The following IMMP2L variants were observed in gnomAD, a reference collection of about 807,000 sequenced individuals.
IMMP2L encodes mitochondrial inner membrane protease subunit 2.
A neutral mutation model predicts 19.3 loss-of-function variants in IMMP2L; 18 were observed. The observed-to-expected ratio is 0.93, with a 90% CI of 0.64 to 1.38. The LOEUF is 1.38. Among genes scored for constraint, IMMP2L ranks in the 40% most tolerant of loss-of-function variants. The probability of loss-of-function intolerance (pLI) is 0.00; values close to 1 mark genes in which losing one functional copy is unlikely to be tolerated. For synonymous variants in IMMP2L, 76 were observed against 73.0 expected, an observed-to-expected ratio of 1.04 and a Z score of -0.21; for missense variants, 233 against 218.2, an observed-to-expected ratio of 1.07 and a Z score of -0.43.
intron 3 of IMMP2L, among the ~76,000 whole-genome samples, chr7:111,243,775 T>C (rs1480685832): frequency 2.2e-4 from 12 of 53,470 alleles, no homozygotes; most frequent in Non-Finnish European, 1.1e-4. Context: ...TGTTTGGTTT[T>C]TTGTTCTTGC....
At chr7:111,294,226 C>G (rs1029935963) in intron 3 of IMMP2L, among the ~76,000 whole-genome samples, 1 of 151,766 alleles carries the variant, frequency 6.6e-6, no homozygotes, top group Non-Finnish European at 1.5e-5. Context: ...CCAGGGCTAA[C>G]AAAAGTATAT....
At chr7:111,539,815 A>T (rs1387509022) in intron 1 of IMMP2L, among the ~76,000 whole-genome samples, 1 of 152,160 alleles carries the variant, frequency 6.6e-6, no homozygotes, top group African/African-American at 2.4e-5. Context: ...TCTTGGTTAG[A>T]CTAAATTCAA....
intron 3 of IMMP2L, among the ~76,000 whole-genome samples, chr7:111,324,740 A>C (rs1312504343): frequency 6.6e-6 from 1 of 151,948 alleles, no homozygotes; most frequent in Non-Finnish European, 1.5e-5. Flanking sequence ...AACCAATATC[A>C]ACAACAATCT....
intron 5 of IMMP2L, among the ~76,000 whole-genome samples, chr7:110,750,160 T>C (rs1797632658): frequency 6.6e-6 from 1 of 152,138 alleles, no homozygotes; most frequent in Non-Finnish European, 1.5e-5. Flanking sequence ...TTTTTTAAAC[T>C]TCTACAAAGA....
rs575632461 is a variant in IMMP2L at position 110,902,018 on chromosome 7, T to C, written c.306-15323A>G. 3.9e-5 allele frequency among the ~76,000 whole-genome samples: 6 copies of C among 152,220 alleles called. No homozygotes were observed. In the South Asian group the frequency reaches 1.2e-3, roughly 32 times the overall value. ...ATAAACATTATTGAAAGACACAGTA[T>C]TTGGATTTGCCACAAGTTATGGTAA... On this transcript the variant is annotated intron_variant, in intron 4 of 5. Coordinates refer to ENST00000405709, the MANE Select transcript of IMMP2L (RefSeq NM_032549.4).
At chr7:110,673,506 A>G (rs1584466087) in intron 5 of IMMP2L, among the ~76,000 whole-genome samples, 2 of 152,258 alleles carry the variant, frequency 1.3e-5, no homozygotes, top group East Asian at 3.9e-4. Context: ...TTTTCCCAAG[A>G]AAATGAGTTT....
intron 3 of IMMP2L, among the ~76,000 whole-genome samples, chr7:111,439,135 T>A (rs761619638): frequency 6.6e-6 from 1 of 151,900 alleles, no homozygotes; most frequent in African/African-American, 2.4e-5. Flanking sequence ...CATCCAGCTA[T>A]CCTCTGGAAA....
chr7:111,064,742 C>A (rs1198904126), intron 3 of IMMP2L, among the ~76,000 whole-genome samples: 1 of 152,162 alleles, frequency 6.6e-6, no homozygotes. Flanking sequence ...CTCCTCCTAC[C>A]TTTAAGTCAA....
chr7:110,814,427 G>C (rs1160534807), intron 5 of IMMP2L, among the ~76,000 whole-genome samples: 1 of 141,580 alleles, frequency 7.1e-6, no homozygotes, highest in Admixed American at 7.0e-5. Context: ...AAATATCAAA[G>C]TAAAAAAAAA....
At chr7:110,902,532 G>C (rs936904255) in intron 4 of IMMP2L, among the ~76,000 whole-genome samples, 3 of 149,446 alleles carry the variant, frequency 2.0e-5, no homozygotes, top group Admixed American at 2.0e-4. Flanking sequence ...GAAAAACCCT[G>C]AGTTCTTTGG....
intron 5 of IMMP2L, among the ~76,000 whole-genome samples, chr7:110,774,949 T>C (rs901382292): frequency 7.2e-5 from 11 of 152,006 alleles, no homozygotes; most frequent in African/African-American, 2.7e-4. Flanking sequence ...AATAATGAAC[T>C]GGTTAAATAA....
intron 5 of IMMP2L, among the ~76,000 whole-genome samples, chr7:110,802,313 G>A (rs1801307516): frequency 1.3e-5 from 1 of 78,546 alleles, no homozygotes; most frequent in South Asian, 6.1e-4. Context: ...AAGACAGTGT[G>A]TATGTGTGTA....
intron 4 of IMMP2L, among the ~76,000 whole-genome samples, chr7:110,909,858 G>A (rs551759537): frequency 6.6e-6 from 1 of 152,012 alleles, no homozygotes; most frequent in South Asian, 2.1e-4. Context: ...TCTTACTTCT[G>A]TGAGTTAGAA....
At chr7:111,415,538 G>A (rs1585013980) in intron 3 of IMMP2L, among the ~76,000 whole-genome samples, 1 of 151,646 alleles carries the variant, frequency 6.6e-6, no homozygotes, top group South Asian at 2.1e-4. Flanking sequence ...AATCACCAAC[G>A]TCAACAAAAT....
intron 5 of IMMP2L, among the ~76,000 whole-genome samples, chr7:110,836,064 A>G (rs1804436886): frequency 6.6e-6 from 1 of 152,152 alleles, no homozygotes; most frequent in African/African-American, 2.4e-5. Flanking sequence ...AAGATAACAA[A>G]TCTCAGTCAG....
intron 3 of IMMP2L, among the ~76,000 whole-genome samples, chr7:111,266,169 A>C (rs906895749): frequency 7.2e-5 from 11 of 152,200 alleles, no homozygotes; most frequent in African/African-American, 2.4e-4. Flanking sequence ...ATCTCTACAA[A>C]CATAAGTAAT....
At chr7:110,686,349 T>C (rs1020702499) in intron 5 of IMMP2L, among the ~76,000 whole-genome samples, 16 of 151,992 alleles carry the variant, frequency 1.1e-4, no homozygotes, top group African/African-American at 3.9e-4. Context: ...TTGCTCTCTT[T>C]ATATTCTTTC....
chr7:111,120,455 C>G (rs770955527), intron 3 of IMMP2L, among the ~76,000 whole-genome samples: 22 of 152,084 alleles, frequency 1.4e-4, no homozygotes, highest in Admixed American at 7.2e-4. Context: ...GAAACTGCCC[C>G]CATGATTTAA....
At chr7:110,817,782 A>G (rs764014511) in intron 5 of IMMP2L, among the ~76,000 whole-genome samples, 2 of 152,184 alleles carry the variant, frequency 1.3e-5, no homozygotes, top group Non-Finnish European at 2.9e-5. Flanking sequence ...TCAATGGAAC[A>G]GAACAGAGAC....
Sources: gnomAD v4.1 joint callset for allele counts (sites outside exome capture counted in the v4.1 genomes callset) on GRCh38, gnomAD v4.1.1 for gene constraint, MANE v1.5 for transcripts, NCBI Gene and HGNC (gene_info 2026-07-23, HGNC 2026-07-21) for gene names.